Variants in CA8 observed in about 807,000 individuals in gnomAD.
CA8 encodes the protein carbonic anhydrase-related protein.
Under a neutral mutation model 41.4 loss-of-function variants are expected in CA8, and 22 were observed. The observed-to-expected ratio is 0.53, with a 90% CI of 0.38 to 0.76. The LOEUF is 0.76. Ranked by LOEUF, CA8 falls within the 30% of genes least tolerant of loss-of-function variation. The probability of loss-of-function intolerance (pLI) is 0.00; values close to 1 mark genes in which losing one functional copy is unlikely to be tolerated. For synonymous variants in CA8, 121 were observed against 130.6 expected, an observed-to-expected ratio of 0.93 and a Z score of 0.50; for missense variants, 270 against 352.8, an observed-to-expected ratio of 0.77 and a Z score of 1.88.
chr8:60,204,391 A>G (rs1806519390), intron 8 of CA8, among the ~76,000 whole-genome samples: 1 of 152,180 alleles, frequency 6.6e-6, no homozygotes, highest in African/African-American at 2.4e-5. Flanking sequence ...CCCAAACACA[A>G]TTTTGTTTTA....
intron 4 of CA8, among the ~76,000 whole-genome samples, chr8:60,227,292 C>CAA (rs879675312): frequency 1.4e-5 from 2 of 138,112 alleles, no homozygotes. Context: ...GACTCTGTCT[C>CAA]AAAAAAAAAA....
chr8:60,255,268 G>GC (rs1808591683), intron 3 of CA8, among the ~76,000 whole-genome samples: 1 of 31,012 alleles, frequency 3.2e-5, no homozygotes, highest in South Asian at 8.7e-4. Flanking sequence ...TACCTTTCCC[G>GC]CCCCCGCCTA....
intron 8 of CA8, among the ~76,000 whole-genome samples, chr8:60,206,928 C>T (rs1318147064): frequency 1.3e-5 from 2 of 151,580 alleles, no homozygotes; most frequent in Non-Finnish European, 2.9e-5. Context: ...AGTTCTATTT[C>T]TTTTGTTTAA....
chr8:60,268,550 C>T (rs568510978), intron 2 of CA8, among the ~76,000 whole-genome samples: 2 of 152,274 alleles, frequency 1.3e-5, no homozygotes, highest in South Asian at 2.1e-4. Context: ...AACTTGGAGA[C>T]GGTTTAAGTG....
intron 8 of CA8, among the ~76,000 whole-genome samples, chr8:60,196,784 T>C (rs1456880758): frequency 1.3e-5 from 2 of 152,226 alleles, no homozygotes; most frequent in African/African-American, 2.4e-5. Flanking sequence ...CTGAAAAAAT[T>C]AAACATGTAA....
intron 6 of CA8, among the ~76,000 whole-genome samples, chr8:60,224,274 A>G (rs186227608): frequency 1.1e-4 from 17 of 152,334 alleles, no homozygotes; most frequent in African/African-American, 3.6e-4. Flanking sequence ...CTGATGCTTT[A>G]CACAGAGGTA....
chr8:60,256,462 G>A (rs750213093), intron 3 of CA8, among the ~76,000 whole-genome samples: 4 of 152,230 alleles, frequency 2.6e-5, no homozygotes, highest in Non-Finnish European at 4.4e-5. Context: ...CTTCTGTCAC[G>A]AATTTTTGGT....
intron 8 of CA8, among the ~76,000 whole-genome samples, chr8:60,192,947 AC>A (rs1806173457): frequency 6.6e-6 from 1 of 150,808 alleles, no homozygotes; most frequent in African/African-American, 2.4e-5. Context: ...GCACACACAC[AC>A]ACACACACAC....
At chr8:60,223,936 G>A (rs1442264656) in intron 6 of CA8, among the ~76,000 whole-genome samples, 2 of 152,146 alleles carry the variant, frequency 1.3e-5, no homozygotes, top group African/African-American at 4.8e-5. Flanking sequence ...ATTGTTATCT[G>A]TACAGAAATA....
chr8:60,267,234 G>C (rs931097753), intron 2 of CA8, among the ~76,000 whole-genome samples: 2 of 152,186 alleles, frequency 1.3e-5, no homozygotes, highest in African/African-American at 2.4e-5. Context: ...TTAGGAAGAA[G>C]AACAAGGGGA....
chr8:60,188,567 G>A lies in CA8; in HGVS notation c.*1454C>T, dbSNP rs2242155. 0.29 allele frequency: 43,407 copies of A among 152,066 alleles called. 6,442 individuals are homozygous for A. The highest frequency in any genetic ancestry group is 0.4 in the Middle Eastern group (118 of 292). The allele number at this position is 152,066 out of a possible 1,614,324, so 9.4% of individuals were successfully genotyped here. The stretch of plus-strand genomic sequence containing the variant: ...CACAGTTTTGTAACCATGCTTCACC[G>A]TTTCCTCATTGTTGGACACTAGGAA... On this transcript the variant is annotated 3_prime_UTR_variant, in exon 9 of 9. Transcript: ENST00000317995.
intron 7 of CA8, among the ~76,000 whole-genome samples, chr8:60,212,309 T>C (rs990809460): frequency 6.6e-6 from 1 of 152,252 alleles, no homozygotes; most frequent in African/African-American, 2.4e-5. Flanking sequence ...CTACTTAACT[T>C]TCAGGAGTTC....
At chr8:60,220,850 T>C (rs186656977) in intron 7 of CA8, among the ~76,000 whole-genome samples, 3 of 152,348 alleles carry the variant, frequency 2.0e-5, no homozygotes, top group African/African-American at 7.2e-5. Flanking sequence ...TCCCTGTTTC[T>C]ACTACTGGCC....
chr8:60,221,045 T>C lies in CA8; in HGVS notation c.738+1604A>G, dbSNP rs78311981. Among the ~76,000 whole-genome samples, 881 of 152,344 alleles carry C rather than the reference T, an allele frequency of 5.8e-3. 6 individuals carry two copies. Among genetic ancestry groups the C allele is most frequent in the African/African-American group, 0.02 (833 of 41,584 alleles). ...TTTATGTGAGCATGAAATAAATTTC[T>C]ACTGTGTTAAGCCACTGACATTTTG... On this transcript the variant is annotated intron_variant, in intron 7 of 8. Coordinates refer to ENST00000317995, the MANE Select transcript of CA8 (RefSeq NM_004056.6).
At chr8:60,211,414 T>C (rs764488392) in intron 7 of CA8, among the ~76,000 whole-genome samples, 3 of 152,256 alleles carry the variant, frequency 2.0e-5, no homozygotes, top group African/African-American at 4.8e-5. Context: ...TCATACTTAA[T>C]ACCTGCAACC....
intron 3 of CA8, among the ~76,000 whole-genome samples, chr8:60,235,259 CT>C (rs941726030): frequency 2.0e-5 from 3 of 152,142 alleles, no homozygotes; most frequent in African/African-American, 7.2e-5. Context: ...TGGCCACCTT[CT>C]CCCTTTATCT....
chr8:60,211,158 T>G (rs192120008), intron 7 of CA8, among the ~76,000 whole-genome samples: 9 of 152,280 alleles, frequency 5.9e-5, no homozygotes, highest in African/African-American at 2.2e-4. Flanking sequence ...ATAACAGTAT[T>G]CACAAGGATA....
chr8:60,226,313 G>T (rs2130478170), intron 5 of CA8, among the ~76,000 whole-genome samples: 1 of 152,210 alleles, frequency 6.6e-6, no homozygotes, highest in South Asian at 2.1e-4. Context: ...TGATAAGACT[G>T]TTTCTGTGTG....
At chr8:60,244,123 A>T (rs924974244) in intron 3 of CA8, among the ~76,000 whole-genome samples, 1 of 152,192 alleles carries the variant, frequency 6.6e-6, no homozygotes, top group Non-Finnish European at 1.5e-5. Context: ...CCCAAGCCAG[A>T]AATCTCTTCC....
Sources: allele counts gnomAD v4.1 joint callset (sites outside exome capture counted in the v4.1 genomes callset), GRCh38; gene constraint gnomAD v4.1.1; transcripts MANE v1.5; gene names NCBI Gene and HGNC (gene_info 2026-07-23, HGNC 2026-07-21).